MICAL3: variants seen among roughly 807,000 people sequenced by gnomAD.
MICAL3 encodes the protein [F-actin]-monooxygenase MICAL3.
MICAL3 carries 62 observed loss-of-function variants against 207.4 expected under a neutral mutation model. The ratio of observed to expected loss-of-function variants is 0.30; its 90% confidence interval spans 0.24 to 0.37. The LOEUF (loss-of-function observed/expected upper bound fraction) is 0.37, where lower values mean the gene tolerates loss of function less well. Ranked by LOEUF, MICAL3 falls within the 10% of genes least tolerant of loss-of-function variation. The pLI is 1.00. For synonymous variants in MICAL3, 1,077 were observed against 1,069.3 expected, an observed-to-expected ratio of 1.01 and a Z score of -0.14; for missense variants, 2,368 against 2,635.6, an observed-to-expected ratio of 0.90 and a Z score of 2.22.
chr22:17,906,112 G>A (rs1036994019), intron 2 of MICAL3, among the ~76,000 whole-genome samples: 1 of 152,166 alleles, frequency 6.6e-6, no homozygotes, highest in African/African-American at 2.4e-5. Context: ...TGCATCCTCC[G>A]AACCACGTGA....
chr22:17,982,490 G>A (rs1935958687), intron 1 of MICAL3, among the ~76,000 whole-genome samples: 1 of 152,286 alleles, frequency 6.6e-6, no homozygotes, highest in East Asian at 1.9e-4. Context: ...GGCCAAGATG[G>A]TGAAACGCCA....
chr22:17,888,773 T>C (rs946508609), intron 13 of MICAL3, among the ~76,000 whole-genome samples: 1 of 152,120 alleles, frequency 6.6e-6, no homozygotes, highest in African/African-American at 2.4e-5. Context: ...AAGGTGGTGG[T>C]CACGGAAAAA....
Position 18,017,183 on chromosome 22 carries a change from T to C in MICAL3, c.-75+7098A>G, listed in dbSNP as rs540357056. ...ACAATCCCATGCCCATTCTCCTTTT[T>C]TGAAATGAATTATTGGTTTAACAGA... On this transcript the variant is annotated intron_variant, in intron 1 of 31. Coordinates refer to ENST00000441493, the MANE Select transcript of MICAL3 (RefSeq NM_015241.3). Among the ~76,000 whole-genome samples the C allele has an allele frequency of 2.0e-5, 3 of 152,264 alleles. No individual in the cohort carries two copies. In the East Asian group the frequency reaches 5.8e-4, roughly 29 times the overall value.
chr22:17,855,685 T>C (rs1242516849), intron 19 of MICAL3, among the ~76,000 whole-genome samples: 1 of 152,270 alleles, frequency 6.6e-6, no homozygotes, highest in African/African-American at 2.4e-5. Context: ...CCTCCATTTC[T>C]TTAATGACTT....
chr22:17,930,796 G>A (rs1933211690), intron 1 of MICAL3, among the ~76,000 whole-genome samples: 1 of 152,368 alleles, frequency 6.6e-6, no homozygotes, highest in East Asian at 1.9e-4. Flanking sequence ...AACTGAAGCA[G>A]TGGCCATGAG....
At chr22:17,873,602 A>C (rs1328178964) in intron 16 of MICAL3, among the ~76,000 whole-genome samples, 1 of 152,218 alleles carries the variant, frequency 6.6e-6, no homozygotes, top group East Asian at 1.9e-4. Flanking sequence ...AAGCTGCTCC[A>C]CCAGCCCAGG....
At chr22:17,901,463 G>C (rs1931313712) in intron 5 of MICAL3, among the ~76,000 whole-genome samples, 1 of 152,090 alleles carries the variant, frequency 6.6e-6, no homozygotes, top group Non-Finnish European at 1.5e-5. Context: ...GAGCCAAGGA[G>C]TTTGAGACCA....
intron 1 of MICAL3, among the ~76,000 whole-genome samples, chr22:18,015,565 A>T (rs982884559): frequency 3.3e-5 from 5 of 151,690 alleles, no homozygotes; most frequent in Non-Finnish European, 7.4e-5. Flanking sequence ...GGTGACTGCC[A>T]GCACACTCGG....
intron 7 of MICAL3, 63 bp downstream of exon 7, chr22:17,899,385 C>T (rs1242919903): frequency 2.8e-6 from 3 of 1,087,558 alleles, no homozygotes; most frequent in African/African-American, 3.1e-5. Flanking sequence ...TCAGACAATT[C>T]TTTCTCTTGG....
Position 17,902,302 on chromosome 22 carries a change from G to A in MICAL3, c.590-323C>T, listed in dbSNP as rs1003051249. Among the ~76,000 whole-genome samples, 58 of 152,168 alleles carry A rather than the reference G, an allele frequency of 3.8e-4. No homozygotes were observed. Among genetic ancestry groups the A allele is most frequent in the Admixed American group, 2.0e-3 (30 of 15,278 alleles). On this transcript the variant is annotated intron_variant, in intron 4 of 31. Transcript: ENST00000441493. The surrounding 1 kb of genome is among the most constrained non-coding windows in gnomAD (Gnocchi z 4.5). ...AATCCCAGCTACTCTGGAGACCTAC[G>A]CAGGAGAATTGCTCAGAGGTCACAG...
chr22:17,800,361 G>A (rs916451729), intron 29 of MICAL3, among the ~76,000 whole-genome samples: 6 of 152,178 alleles, frequency 3.9e-5, no homozygotes, highest in African/African-American at 1.4e-4. Context: ...AAAGCAGGCT[G>A]GGCCGGCCTG....
rs558756509 is a variant in MICAL3, at chr22:17,808,895, G to T, written c.5599C>A (p.Arg1867=). 3.2e-6 allele frequency: 5 copies of T among 1,553,530 alleles called. No homozygotes were observed. Among genetic ancestry groups the T allele is most frequent in the Non-Finnish European group, 3.5e-6 (4 of 1,148,618 alleles). ...ACAGCCACGCCCCTTTCCTCCAGCC[G>T]CCGCTGCCTCTCCTCCACCTGCTGC... ...QLQQVEERQR[R]LEERGVAVEK... The change falls in exon 29 of 32, where the codon CGG becomes AGG. Residue 1867 remains arginine (R), a synonymous_variant. Coordinates refer to ENST00000441493, the MANE Select transcript of MICAL3 (RefSeq NM_015241.3).
chr22:17,891,620 C>T lies in MICAL3; in HGVS notation c.1559G>A (p.Arg520His), dbSNP rs776994598. The T allele has an allele frequency of 2.4e-5, 38 of 1,613,814 alleles. No individual in the cohort carries two copies. In the Admixed American group the frequency reaches 3.3e-4, roughly 14 times the overall value. The change falls in exon 12 of 32, where the codon CGT becomes CAT. Residue 520 changes from arginine (R) to histidine (H), a missense_variant. Transcript: ENST00000441493. The part of the protein sequence containing the change: ...PKLTRNESVA[R>H]SSKLLGWCQR... The stretch of plus-strand genomic sequence containing the variant: ...GCACCAACCCAGCAGTTTGCTTGAA[C>T]GAGCTACAGACTCTAAAACAACAAA...
chr22:17,979,440 G>C (rs1035137466), intron 1 of MICAL3, among the ~76,000 whole-genome samples: 1 of 152,158 alleles, frequency 6.6e-6, no homozygotes, highest in African/African-American at 2.4e-5. Context: ...AGCTACTCGG[G>C]AGTGTGAGGC....
chr22:17,818,540 T>G lies in MICAL3; in HGVS notation c.4121A>C (p.Asp1374Ala). The G allele has an allele frequency of 6.2e-7, 1 of 1,613,480 alleles. No homozygotes were observed. Among genetic ancestry groups the G allele is most frequent in the Middle Eastern group, 1.6e-4 (1 of 6,062 alleles). Residue 1374 changes from aspartate to alanine, a missense_variant, in exon 26 of 32, where the codon GAT becomes GCT. Physicochemically the swap from Asp to Ala is moderately radical, Grantham distance 126. This residue lies in a region of MICAL3 where 1,770 missense variants were observed against 1,863.2 expected (regional missense o/e 0.95). Transcript: ENST00000441493. ...AGGCTTGAGAAGGTGGAGTCCCTCA[T>G]CCTGGGGGGACTTTTCAACGGAATA... ...KSYSVEKSPQ[D>A]EGLHLLKPLS...
At chr22:17,987,364 C>T (rs1008308916) in intron 1 of MICAL3, among the ~76,000 whole-genome samples, 2 of 152,232 alleles carry the variant, frequency 1.3e-5, no homozygotes, top group African/African-American at 4.8e-5. Context: ...AGGAGATGGC[C>T]TTCCTCCTGG....
chr22:17,880,066 C>T (rs1929275612), intron 16 of MICAL3, among the ~76,000 whole-genome samples: 1 of 152,176 alleles, frequency 6.6e-6, no homozygotes. Flanking sequence ...TAAGGGTTCA[C>T]CTTACAGCCA....
At chr22:17,822,522 C>T (rs1921760482) in intron 23 of MICAL3, among the ~76,000 whole-genome samples, 1 of 152,240 alleles carries the variant, frequency 6.6e-6, no homozygotes, top group Admixed American at 6.5e-5. Context: ...GCACCTCCTC[C>T]TCTCAGTAGC....
At chr22:17,904,975 C>A in intron 2 of MICAL3, 136 bp from the exon 3 acceptor site, 1 of 679,394 alleles carries the variant, frequency 1.5e-6, no homozygotes, top group Non-Finnish European at 2.6e-6. Context: ...AACCTTCACA[C>A]CTACGTGGGT....
Sources: gnomAD v4.1 joint callset for allele counts (sites outside exome capture counted in the v4.1 genomes callset) on GRCh38, gnomAD v4.1.1 for gene constraint, gnomAD v4.1.1 regional missense constraint, Gnocchi (gnomAD v3.1) non-coding constraint, MANE v1.5 for transcripts, NCBI Gene and HGNC (gene_info 2026-07-23, HGNC 2026-07-21) for gene names.